The following CHD6 variants were observed in gnomAD, a reference collection of about 807,000 sequenced individuals.
The protein encoded by CHD6 is ATP-dependent chromatin remodeler CHD6.
A neutral mutation model predicts 276.9 loss-of-function variants in CHD6; 50 were observed. That is an observed-to-expected ratio of 0.18 (90% CI 0.14 to 0.23). The LOEUF (loss-of-function observed/expected upper bound fraction) is 0.23. CHD6 is among the 10% of genes least tolerant of loss of function. CHD6 has a pLI of 1.00. For synonymous variants in CHD6, 1,173 were observed against 1,229.3 expected (o/e 0.95, Z 0.96); for missense variants, 2,564 against 3,365.8 (o/e 0.76, Z 5.89).
chr20:41,420,280 T>G (rs2047142779), intron 31 of CHD6, among the ~76,000 whole-genome samples: 1 of 152,152 alleles, frequency 6.6e-6, no homozygotes, highest in Non-Finnish European at 1.5e-5. Flanking sequence ...ATTATATGAG[T>G]GAGGCAGCCA....
intron 16 of CHD6, among the ~76,000 whole-genome samples, chr20:41,481,217 G>C (rs923582862): frequency 6.6e-6 from 1 of 151,554 alleles, no homozygotes; most frequent in Non-Finnish European, 1.5e-5. Context: ...CTTAAGTTCA[G>C]GCCTAAAAAA....
At chr20:41,423,389 G>A in intron 30 of CHD6, 103 bp downstream of exon 30, 1 of 1,073,028 alleles carries the variant, frequency 9.3e-7, no homozygotes. Flanking sequence ...AATTCCTCAT[G>A]TAGACTCTAG....
At chr20:41,524,591 CCAAATCCCCAGAGAGGAT>C (rs2044483059) in intron 3 of CHD6, among the ~76,000 whole-genome samples, 1 of 152,180 alleles carries the variant, frequency 6.6e-6, no homozygotes, top group African/African-American at 2.4e-5. Context: ...CCTCAGTACA[CCAAATCCCCAGAGAGGAT>C]CACTTTTGAC....
At chr20:41,441,407 T>C (rs2047897431) in intron 25 of CHD6, among the ~76,000 whole-genome samples, 4 of 152,034 alleles carry the variant, frequency 2.6e-5, no homozygotes. Flanking sequence ...AACAGAAAAT[T>C]CCCCAATACT....
At chr20:41,573,365 G>C (rs1384733619) in intron 1 of CHD6, among the ~76,000 whole-genome samples, 1 of 152,184 alleles carries the variant, frequency 6.6e-6, no homozygotes, top group Non-Finnish European at 1.5e-5. Flanking sequence ...ACTATCTGAT[G>C]AATGAATGAA....
intron 2 of CHD6, among the ~76,000 whole-genome samples, chr20:41,540,978 T>C (rs572852105): frequency 4.6e-5 from 7 of 151,852 alleles, no homozygotes; most frequent in African/African-American, 1.7e-4. Flanking sequence ...CTTCACTTTC[T>C]TCTGAAAGAT....
At chr20:41,432,759 T>C (rs1370654637) in intron 27 of CHD6, among the ~76,000 whole-genome samples, 1 of 151,760 alleles carries the variant, frequency 6.6e-6, no homozygotes, top group Non-Finnish European at 1.5e-5. Context: ...AAGTGGCCAA[T>C]GCTGAGAGGA....
intron 11 of CHD6, among the ~76,000 whole-genome samples, chr20:41,490,281 C>T (rs1055087717): frequency 6.6e-6 from 1 of 152,114 alleles, no homozygotes. Context: ...CGCATCACTG[C>T]GTGACTGTTT....
rs940125563 is a variant in CHD6, at chr20:41,493,885, G to A, written c.1152C>T (p.Ala384=). ...CCCCTGTTTCTGCATCCTTGGTGTG[G>A]GCCACCTCCAAGATGCGATCAACTT... ...YVEVDRILEV[A]HTKDAETGEE... is the part of the protein sequence containing the mutation. Residue 384 remains alanine, a synonymous_variant, in exon 9 of 37, where the codon GCC becomes GCT. Transcript: ENST00000373233. 1 of 1,613,812 alleles carries A rather than the reference G, an allele frequency of 6.2e-7. No homozygotes were observed. Among genetic ancestry groups the A allele is most frequent in the Non-Finnish European group, 8.5e-7 (1 of 1,179,880 alleles).
chr20:41,546,998 A>T (rs1444501675), intron 2 of CHD6, among the ~76,000 whole-genome samples: 2 of 152,214 alleles, frequency 1.3e-5, no homozygotes, highest in Non-Finnish European at 2.9e-5. Context: ...AAAATCTACC[A>T]TCTCAATTTA....
At chr20:41,571,754 A>C (rs2146209033) in intron 1 of CHD6, among the ~76,000 whole-genome samples, 1 of 152,126 alleles carries the variant, frequency 6.6e-6, no homozygotes, top group African/African-American at 2.4e-5. Context: ...TCTAGACTGG[A>C]TCTTGTTTTA....
At chr20:41,494,689 C>CAG (rs988898107) in intron 8 of CHD6, among the ~76,000 whole-genome samples, 3 of 152,164 alleles carry the variant, frequency 2.0e-5, no homozygotes, top group Non-Finnish European at 4.4e-5. Context: ...TGAAGCCCTC[C>CAG]TCCAGGAGTG....
intron 24 of CHD6, among the ~76,000 whole-genome samples, chr20:41,446,681 C>T (rs944069292): frequency 6.6e-6 from 1 of 152,170 alleles, no homozygotes; most frequent in South Asian, 2.1e-4. Context: ...TGACCCCCAC[C>T]TTTCCAGGGA....
rs755823825 is a variant in CHD6 at position 41,493,815 on chromosome 20, C to T, written c.1179+43G>A. On this transcript the variant is annotated intron_variant, in intron 9 of 36. Coordinates refer to ENST00000373233, the MANE Select transcript of CHD6 (RefSeq NM_032221.5). ...GTCACATGTTAAAACAAGTGAAATA[C>T]GTGGAAAGAAGGGAAGATGCTTCAG... The T allele has an allele frequency of 1.1e-5, 17 of 1,581,734 alleles. No homozygotes were observed. In the South Asian group the frequency reaches 1.6e-4, roughly 14 times the overall value.
At chr20:41,562,940 T>C (rs1267196098) in intron 1 of CHD6, among the ~76,000 whole-genome samples, 1 of 152,220 alleles carries the variant, frequency 6.6e-6, no homozygotes, top group Non-Finnish European at 1.5e-5. Flanking sequence ...CTGCCAAATA[T>C]TACTTGTGAG....
At chr20:41,450,819 ATCCTG>A in intron 23 of CHD6, 122 bp downstream of exon 23, 1 of 851,388 alleles carries the variant, frequency 1.2e-6, no homozygotes, top group South Asian at 1.7e-5. Context: ...CAGATAACAC[ATCCTG>A]TCTTTCTAGA....
At chr20:41,427,344 T>A (rs1247027419) in intron 27 of CHD6, among the ~76,000 whole-genome samples, 1 of 152,108 alleles carries the variant, frequency 6.6e-6, no homozygotes, top group Non-Finnish European at 1.5e-5. Flanking sequence ...CAGAACAGCG[T>A]TAACAGCTAA....
chr20:41,591,367 T>C (rs1260647478), intron 1 of CHD6, among the ~76,000 whole-genome samples: 1 of 121,834 alleles, frequency 8.2e-6, no homozygotes, highest in East Asian at 2.5e-4. Flanking sequence ...TAATTTTACA[T>C]ATATATATAT....
At chr20:41,456,098 G>A (rs1600902664) in intron 18 of CHD6, 119 bp from the exon 19 acceptor site, 1 of 952,182 alleles carries the variant, frequency 1.1e-6, no homozygotes, top group Non-Finnish European at 1.5e-6. Flanking sequence ...TTAGAACAAA[G>A]GACGTGGGCA....
Sources: gnomAD v4.1 joint callset for allele counts (sites outside exome capture counted in the v4.1 genomes callset) on GRCh38, gnomAD v4.1.1 for gene constraint, MANE v1.5 for transcripts, NCBI Gene and HGNC (gene_info 2026-07-23, HGNC 2026-07-21) for gene names.